ENTREP2: variants seen among roughly 807,000 people sequenced by gnomAD.
ENTREP2 encodes the protein protein ENTREP2.
chr15:29,511,071 T>C, the ENTREP2 span, among the ~76,000 whole-genome samples: 2 of 152,064 alleles, frequency 1.3e-5, no homozygotes, highest in East Asian at 3.9e-4. Flanking sequence ...GGGATAGCAT[T>C]AGGAGAAACA....
chr15:29,580,783 A>C, the ENTREP2 span, among the ~76,000 whole-genome samples: 1 of 152,228 alleles, frequency 6.6e-6, no homozygotes, highest in Non-Finnish European at 1.5e-5. Flanking sequence ...ATAACTGAGA[A>C]GAGACTTCAC....
At chr15:29,672,513 T>C in the ENTREP2 span, among the ~76,000 whole-genome samples, 7 of 152,128 alleles carry the variant, frequency 4.6e-5, no homozygotes, top group Non-Finnish European at 1.0e-4. Context: ...AAATTCCAGT[T>C]ATCCAGGGTG....
the ENTREP2 span, among the ~76,000 whole-genome samples, chr15:29,343,531 C>G: frequency 6.6e-6 from 1 of 152,032 alleles, no homozygotes. Flanking sequence ...CTGCCAGCCC[C>G]CACAATCAGG....
At chr15:29,527,189 C>T in the ENTREP2 span, among the ~76,000 whole-genome samples, 1 of 152,174 alleles carries the variant, frequency 6.6e-6, no homozygotes, top group Non-Finnish European at 1.5e-5. Flanking sequence ...CGTTTCTCCA[C>T]ACTCTTCAAT....
the ENTREP2 span, among the ~76,000 whole-genome samples, chr15:29,312,334 CAA>C: frequency 7.0e-4 from 101 of 143,510 alleles, no homozygotes; most frequent in African/African-American, 1.8e-3. Flanking sequence ...AAACAAGCAC[CAA>C]AAAAAAAAAA....
At chr15:29,390,821 C>A in the ENTREP2 span, among the ~76,000 whole-genome samples, 1 of 152,296 alleles carries the variant, frequency 6.6e-6, no homozygotes, top group East Asian at 1.9e-4. Flanking sequence ...TGAAGCAAGT[C>A]CTTCTAGAAC....
chr15:29,128,443 C>T, the ENTREP2 span, among the ~76,000 whole-genome samples: 1 of 152,124 alleles, frequency 6.6e-6, no homozygotes. Context: ...CCGGTAGGTA[C>T]AACTTTGGCT....
chr15:29,606,734 T>A, the ENTREP2 span, among the ~76,000 whole-genome samples: 1 of 152,126 alleles, frequency 6.6e-6, no homozygotes, highest in South Asian at 2.1e-4. Context: ...TCAAATGATT[T>A]TTTTTTTCTT....
the ENTREP2 span, among the ~76,000 whole-genome samples, chr15:29,634,296 C>A: frequency 6.6e-6 from 1 of 152,114 alleles, no homozygotes; most frequent in Admixed American, 6.5e-5. Flanking sequence ...CCCTTTGGTG[C>A]TGGCTCCTGT....
At chr15:29,472,114 C>T in the ENTREP2 span, among the ~76,000 whole-genome samples, 2 of 152,158 alleles carry the variant, frequency 1.3e-5, no homozygotes, top group African/African-American at 4.8e-5. Context: ...CCAAGAAATG[C>T]AAAGCAGGAA....
the ENTREP2 span, among the ~76,000 whole-genome samples, chr15:29,504,800 A>G: frequency 3.3e-5 from 5 of 152,246 alleles, no homozygotes; most frequent in African/African-American, 9.6e-5. Context: ...TAATGCATTC[A>G]TAACATTTTT....
the ENTREP2 span, among the ~76,000 whole-genome samples, chr15:29,478,059 C>G: frequency 2.4e-4 from 26 of 110,328 alleles, no homozygotes; most frequent in Non-Finnish European, 1.0e-4. Context: ...GAGTCTTGCT[C>G]TGTCACCCAG....
At chr15:29,220,727 AG>A in the ENTREP2 span, among the ~76,000 whole-genome samples, 2 of 152,194 alleles carry the variant, frequency 1.3e-5, no homozygotes, top group African/African-American at 4.8e-5. Context: ...CAAAACATTT[AG>A]GAAAAAGTTA....
At chr15:29,626,312 G>C in the ENTREP2 span, among the ~76,000 whole-genome samples, 1 of 152,202 alleles carries the variant, frequency 6.6e-6, no homozygotes, top group Non-Finnish European at 1.5e-5. Context: ...GCCAAGTGGA[G>C]ACAATTGAAT....
chr15:29,349,253 A>T, the ENTREP2 span, among the ~76,000 whole-genome samples: 1 of 152,202 alleles, frequency 6.6e-6, no homozygotes, highest in Non-Finnish European at 1.5e-5. Flanking sequence ...AAAAAAAATA[A>T]AATGAGAAGA....
At chr15:29,123,668 G>A in the ENTREP2 span, 2 of 1,544,050 alleles carry the variant, frequency 1.3e-6, no homozygotes, top group Non-Finnish European at 1.8e-6. Flanking sequence ...AAAAATCAAG[G>A]GCAAAAGTGC....
the ENTREP2 span, among the ~76,000 whole-genome samples, chr15:29,481,926 G>A: frequency 6.6e-6 from 1 of 152,174 alleles, no homozygotes; most frequent in Non-Finnish European, 1.5e-5. Context: ...AGGGCAGAAA[G>A]TTGCCATATA....
At chr15:29,571,822 T>A in the ENTREP2 span, among the ~76,000 whole-genome samples, 1 of 152,204 alleles carries the variant, frequency 6.6e-6, no homozygotes, top group Non-Finnish European at 1.5e-5. Context: ...GAGCCAACTT[T>A]AAGACTCTGC....
At chr15:29,357,477 G>A in the ENTREP2 span, among the ~76,000 whole-genome samples, 2 of 151,784 alleles carry the variant, frequency 1.3e-5, no homozygotes, top group East Asian at 3.9e-4. Context: ...GTAAGAAAAA[G>A]AGAAATGACA....
Sources: allele counts gnomAD v4.1 joint callset (sites outside exome capture counted in the v4.1 genomes callset), GRCh38; gene constraint gnomAD v4.1.1; transcripts MANE v1.5; gene names NCBI Gene and HGNC (gene_info 2026-07-23, HGNC 2026-07-21).